Variants in MRPS6 observed in about 807,000 individuals in gnomAD.
The protein encoded by MRPS6 is mitochondrial ribosomal protein S6.
Under a neutral mutation model 13.1 loss-of-function variants are expected in MRPS6, and 6 were observed. The observed-to-expected ratio is 0.46, with a 90% confidence interval of 0.25 to 0.91. MRPS6 has a LOEUF of 0.91. Ranked by LOEUF, MRPS6 falls within the 40% of genes least tolerant of loss-of-function variation. The pLI is 0.18. For synonymous variants in MRPS6, 61 were observed against 56.5 expected (o/e 1.08, Z -0.36); for missense variants, 164 against 155.6 (o/e 1.05, Z -0.29).
chr21:34,133,382 T>C (rs1470579103), intron 2 of MRPS6, among the ~76,000 whole-genome samples: 2 of 152,170 alleles, frequency 1.3e-5, no homozygotes, highest in East Asian at 1.9e-4. Context: ...TAGTGGGCAG[T>C]TGAGTTGGTT....
intron 1 of MRPS6, chr21:34,098,642 A>C: frequency 1.0e-6 from 1 of 1,000,280 alleles, no homozygotes; most frequent in Non-Finnish European, 1.2e-6. Context: ...AGCATGTTTG[A>C]GAGGTGCCAA....
chr21:34,077,336 A>C (rs1989357186), intron 1 of MRPS6, among the ~76,000 whole-genome samples: 1 of 152,208 alleles, frequency 6.6e-6, no homozygotes, highest in African/African-American at 2.4e-5. Context: ...TGAGGAAAGA[A>C]ATCTGTGCAA....
intron 1 of MRPS6, chr21:34,099,396 T>G (rs1322698390): frequency 2.0e-6 from 2 of 1,000,108 alleles, no homozygotes; most frequent in East Asian, 2.3e-4. Flanking sequence ...TTTTGTCCTG[T>G]TTTTTCAAAG....
chr21:34,089,650 T>C (rs1430983363), intron 1 of MRPS6, among the ~76,000 whole-genome samples: 3 of 152,162 alleles, frequency 2.0e-5, no homozygotes, highest in Non-Finnish European at 4.4e-5. Context: ...TATCCATTCT[T>C]AACCCCTCCC....
intron 1 of MRPS6, among the ~76,000 whole-genome samples, chr21:34,115,872 T>A (rs1214907892): frequency 7.3e-5 from 11 of 151,446 alleles, no homozygotes; most frequent in Admixed American, 6.6e-4. Flanking sequence ...GGAAGACTAA[T>A]ACCTTGCATA....
rs752822172 is a variant in MRPS6, at chr21:34,099,561, A to C, written c.46-25780A>C. The C allele has an allele frequency of 2.1e-5, 21 of 999,880 alleles. 1 individual carries two copies. The Middle Eastern group carries it at 2.6e-3, about 123-fold the overall frequency. 61.9% of individuals were successfully genotyped at this position (999,880 alleles called of 1,614,324 possible). On this transcript the variant is annotated intron_variant, in intron 1 of 2. Coordinates refer to ENST00000399312, the MANE Select transcript of MRPS6 (RefSeq NM_032476.4). ...AATTGACATATTGGCTGGGCAGCCTATCTCTTCCATATCCAGCGTAAATGA... is the reference window on the plus strand; with the variant it reads ...AATTGACATATTGGCTGGGCAGCCTCTCTCTTCCATATCCAGCGTAAATGA...
In MRPS6 at chr21:34,097,981, T is replaced by C. The variant is rs547296718; in HGVS notation, c.45+24236T>C. On this transcript the variant is annotated intron_variant, in intron 1 of 2. Coordinates refer to ENST00000399312, the MANE Select transcript of MRPS6 (RefSeq NM_032476.4). ...TATATGGAATGTTAGGGAAAAACTT[T>C]GTTCCAGTTCCTTTTTTTTTTTCTT... The C allele has an allele frequency of 2.7e-5, 27 of 998,258 alleles. No individual in the cohort carries two copies. The African/African-American group carries it at 4.4e-4, about 16-fold the overall frequency. The allele number at this position is 998,258 out of a possible 1,614,324, so 61.8% of individuals were successfully genotyped here.
intron 1 of MRPS6, among the ~76,000 whole-genome samples, chr21:34,084,289 C>T (rs898135724): frequency 6.6e-6 from 1 of 152,110 alleles, no homozygotes; most frequent in Admixed American, 6.5e-5. Flanking sequence ...GGTGCTTGTG[C>T]TTAGGTTTTC....
intron 1 of MRPS6, among the ~76,000 whole-genome samples, chr21:34,109,707 G>GAA (rs1979621886): frequency 6.6e-6 from 1 of 152,012 alleles, no homozygotes; most frequent in South Asian, 2.1e-4. Context: ...TGGTATGGTT[G>GAA]ATTCTTAGTT....
At chr21:34,104,412 ATGTCTT>A in intron 1 of MRPS6, 5 of 1,000,166 alleles carry the variant, frequency 5.0e-6, no homozygotes, top group Non-Finnish European at 6.0e-6. Flanking sequence ...GAATGAATGA[ATGTCTT>A]TGTCTTAAAT....
chr21:34,113,370 C>T (rs1287912179), intron 1 of MRPS6, among the ~76,000 whole-genome samples: 1 of 151,974 alleles, frequency 6.6e-6, no homozygotes, highest in Admixed American at 6.6e-5. Flanking sequence ...CATACATACA[C>T]AATAGAATAC....
chr21:34,109,154 GTCTTATA>G (rs530184082), intron 1 of MRPS6, among the ~76,000 whole-genome samples: 5 of 151,804 alleles, frequency 3.3e-5, no homozygotes, highest in Non-Finnish European at 5.9e-5. Flanking sequence ...TCTTATTCTT[GTCTTATA>G]TCTTGTATCT....
chr21:34,132,738 A>C (rs761370110), intron 2 of MRPS6, among the ~76,000 whole-genome samples: 2 of 152,138 alleles, frequency 1.3e-5, no homozygotes, highest in Non-Finnish European at 2.9e-5. Context: ...CAGTTTGCTC[A>C]TGTGAAAGGT....
intron 1 of MRPS6, among the ~76,000 whole-genome samples, chr21:34,113,707 G>A (rs76824803): frequency 0.018 from 2,791 of 152,222 alleles, 83 homozygotes; most frequent in African/African-American, 0.063. Context: ...TGACTTTTTT[G>A]TCAAAGTCCA....
chr21:34,112,137 T>A (rs1979724806), intron 1 of MRPS6, among the ~76,000 whole-genome samples: 1 of 152,186 alleles, frequency 6.6e-6, no homozygotes, highest in Non-Finnish European at 1.5e-5. Context: ...TATGACTCAG[T>A]ATAATCTTTT....
chr21:34,103,701 C>T (rs1337700447), intron 1 of MRPS6: 2 of 999,982 alleles, frequency 2.0e-6, no homozygotes, highest in Non-Finnish European at 2.4e-6. Context: ...ATGAGCACTA[C>T]AGTATTGATA....
rs143128044 is a variant in MRPS6 at position 34,111,133 on chromosome 21, C to A, written c.46-14208C>A. Among the ~76,000 whole-genome samples the A allele has an allele frequency of 9.8e-5, 15 of 152,324 alleles. No individual in the cohort carries two copies. The East Asian group carries it at 2.9e-3, about 29-fold the overall frequency. On this transcript the variant is annotated intron_variant, in intron 1 of 2. Coordinates refer to ENST00000399312, the MANE Select transcript of MRPS6 (RefSeq NM_032476.4). ...GCAATAGGGGACTGCAGTTTTCCAC[C>A]ATGCTGTGCATGTGTGCATATCTAC...
chr21:34,112,466 T>G (rs1244090005), intron 1 of MRPS6, among the ~76,000 whole-genome samples: 1 of 152,214 alleles, frequency 6.6e-6, no homozygotes, highest in African/African-American at 2.4e-5. Context: ...ATCTTACAAT[T>G]CACCCATTTG....
intron 1 of MRPS6, chr21:34,100,430 T>TA: frequency 1.0e-6 from 1 of 1,000,234 alleles, no homozygotes; most frequent in Non-Finnish European, 1.2e-6. Context: ...TGGGGGTAAT[T>TA]ATGCTTTGTC....
Sources: gnomAD v4.1 joint callset for allele counts (sites outside exome capture counted in the v4.1 genomes callset) on GRCh38, gnomAD v4.1.1 for gene constraint, MANE v1.5 for transcripts, NCBI Gene and HGNC (gene_info 2026-07-23, HGNC 2026-07-21) for gene names.